Variants in INPP4A observed in about 807,000 individuals in gnomAD.
INPP4A encodes inositol polyphosphate-4-phosphatase type I A, also known as inositol polyphosphate-4-phosphatase, type I, 107kD.
A neutral mutation model predicts 119.8 loss-of-function variants in INPP4A; 33 were observed. The observed-to-expected ratio is 0.28, with a 90% confidence interval of 0.21 to 0.37. The LOEUF (loss-of-function observed/expected upper bound fraction) is 0.37. INPP4A is among the 10% of genes least tolerant of loss of function. The pLI, the probability that INPP4A is intolerant of heterozygous loss-of-function variation, is 1.00. For synonymous variants in INPP4A, 496 were observed against 500.7 expected, an observed-to-expected ratio of 0.99 and a Z score of 0.12; for missense variants, 956 against 1,289.9, an observed-to-expected ratio of 0.74 and a Z score of 3.97.
chr2:98,583,529 C>G lies in INPP4A; in HGVS notation c.2787-3947C>G, dbSNP rs188911808. Among the ~76,000 whole-genome samples, 1,240 of 152,272 alleles carry G rather than the reference C, an allele frequency of 8.1e-3. 58 individuals are homozygous for G. Among genetic ancestry groups the G allele is most frequent in the Admixed American group, 0.072 (1,101 of 15,298 alleles). ...TAACCAAATAGATCAGGAAAAACTCCCCACACCCTGTGCAGGACGGTCAGC... is the reference window on the plus strand; with the variant it reads ...TAACCAAATAGATCAGGAAAAACTCGCCACACCCTGTGCAGGACGGTCAGC... On this transcript the variant is annotated intron_variant, in intron 24 of 24. Transcript: ENST00000409851.
chr2:98,459,936 A>AG (rs150195086), intron 1 of INPP4A, among the ~76,000 whole-genome samples: 1 of 152,348 alleles, frequency 6.6e-6, no homozygotes, highest in African/African-American at 2.4e-5. Flanking sequence ...GTAAGTTCTC[A>AG]GGGAGAAACC....
chr2:98,512,516 C>G (rs972398124), intron 1 of INPP4A, among the ~76,000 whole-genome samples: 1 of 152,174 alleles, frequency 6.6e-6, no homozygotes, highest in Non-Finnish European at 1.5e-5. Flanking sequence ...GCATGGTGCC[C>G]GCATCTGGTG....
intron 1 of INPP4A, among the ~76,000 whole-genome samples, chr2:98,448,693 T>TTC (rs200014288): frequency 6.9e-4 from 102 of 147,172 alleles, no homozygotes; most frequent in African/African-American, 1.2e-3. Context: ...TAGTCTTCTT[T>TTC]TCTCTCTCTC....
intron 23 of INPP4A, among the ~76,000 whole-genome samples, chr2:98,576,028 C>T (rs1055778966): frequency 7.9e-5 from 12 of 152,252 alleles, no homozygotes; most frequent in Non-Finnish European, 1.0e-4. Context: ...TTAACATCCC[C>T]GGGGGAGCCT....
chr2:98,467,814 TTATC>T (rs1287804054), intron 1 of INPP4A, among the ~76,000 whole-genome samples: 1 of 152,154 alleles, frequency 6.6e-6, no homozygotes, highest in Non-Finnish European at 1.5e-5. Context: ...TTATAGATAA[TTATC>T]TATTATCTAA....
chr2:98,509,623 AGT>A (rs1684755102), intron 1 of INPP4A, among the ~76,000 whole-genome samples: 1 of 152,062 alleles, frequency 6.6e-6, no homozygotes, highest in African/African-American at 2.4e-5. Context: ...GAGTGGCTGA[AGT>A]GTGTGGTGTG....
At chr2:98,465,261 C>T (rs905999586) in intron 1 of INPP4A, among the ~76,000 whole-genome samples, 3 of 152,178 alleles carry the variant, frequency 2.0e-5, no homozygotes, top group Non-Finnish European at 4.4e-5. Context: ...TGCTGGCTTG[C>T]CTCGGCTGCC....
chr2:98,577,691 T>C (rs1162060777), intron 24 of INPP4A, among the ~76,000 whole-genome samples: 2 of 152,190 alleles, frequency 1.3e-5, no homozygotes, highest in African/African-American at 4.8e-5. Context: ...GTCAGTGTGC[T>C]CTGGCGACCT....
At chr2:98,514,912 C>T (rs1187924167) in intron 1 of INPP4A, among the ~76,000 whole-genome samples, 1 of 148,310 alleles carries the variant, frequency 6.7e-6, no homozygotes, top group Non-Finnish European at 1.5e-5. Flanking sequence ...AAGACCCTGT[C>T]TCTAAAAGCT....
At chr2:98,498,425 C>T (rs1254970455) in intron 1 of INPP4A, among the ~76,000 whole-genome samples, 1 of 152,002 alleles carries the variant, frequency 6.6e-6, no homozygotes, top group African/African-American at 2.4e-5. Context: ...GGAACTGAGT[C>T]CATTAAATCT....
At chr2:98,585,681 C>T (rs1205991234) in intron 24 of INPP4A, among the ~76,000 whole-genome samples, 2 of 152,154 alleles carry the variant, frequency 1.3e-5, no homozygotes, top group South Asian at 4.1e-4. Flanking sequence ...CCACATCAGC[C>T]GGATATTGCA....
At chr2:98,544,192 T>C (rs979383845) in intron 11 of INPP4A, among the ~76,000 whole-genome samples, 185 bp downstream of exon 11, 6 of 152,228 alleles carry the variant, frequency 3.9e-5, no homozygotes, top group African/African-American at 1.4e-4. Context: ...TAGGTGTGAA[T>C]TCTTTCAAAT....
chr2:98,496,959 A>C (rs1682109001), intron 1 of INPP4A, among the ~76,000 whole-genome samples: 1 of 152,184 alleles, frequency 6.6e-6, no homozygotes, highest in African/African-American at 2.4e-5. Context: ...GCACTCAGTG[A>C]AATTATCACT....
At chr2:98,466,195 G>A in intron 1 of INPP4A, among the ~76,000 whole-genome samples, 1 of 152,170 alleles carries the variant, frequency 6.6e-6, no homozygotes, top group Non-Finnish European at 1.5e-5. Context: ...ACAGGCGTAC[G>A]CCACCATGCA....
intron 24 of INPP4A, among the ~76,000 whole-genome samples, chr2:98,582,062 G>T (rs190131002): frequency 2.6e-5 from 4 of 152,250 alleles, no homozygotes; most frequent in Admixed American, 2.6e-4. Context: ...ACCTTCTGAT[G>T]TACAACTATT....
chr2:98,555,302 C>T (rs765281830), intron 15 of INPP4A, among the ~76,000 whole-genome samples: 2 of 152,232 alleles, frequency 1.3e-5, no homozygotes, highest in African/African-American at 2.4e-5. Context: ...GGCCACCTGG[C>T]CTCCAGAAGA....
Position 98,566,266 on chromosome 2 carries a change from A to T in INPP4A, c.2420+97A>T. The T allele has an allele frequency of 7.8e-7, 1 of 1,289,694 alleles. No individual in the cohort carries two copies. The highest frequency in any genetic ancestry group is 1.0e-6 in the Non-Finnish European group (1 of 967,346). 79.9% of individuals were successfully genotyped at this position (1,289,694 alleles called of 1,614,324 possible). On this transcript the variant is annotated intron_variant, in intron 21 of 24. Transcript: ENST00000409851. The surrounding 1 kb of genome is among the most constrained non-coding windows in gnomAD (Gnocchi z 4.2). Reference sequence around the variant, plus strand: ...TCTTCAGGCTCTAAGTGCTGGACAGACTTTGTCATCCTTCCTTCCTTTGGC... The same window carrying T: ...TCTTCAGGCTCTAAGTGCTGGACAGTCTTTGTCATCCTTCCTTCCTTTGGC...
intron 20 of INPP4A, 60 bp downstream of exon 20, chr2:98,565,826 AGG>A: frequency 6.3e-7 from 1 of 1,587,438 alleles, no homozygotes; most frequent in Non-Finnish European, 8.6e-7. Context: ...TGTTTATCTC[AGG>A]GAAGGTACTC....
chr2:98,577,216 C>G (rs1575165019), intron 24 of INPP4A, 73 bp downstream of exon 24: 1 of 1,458,148 alleles, frequency 6.9e-7, no homozygotes, highest in African/African-American at 1.4e-5. Flanking sequence ...TGGTACCCTG[C>G]TCCTGCCTGC....
Sources: gnomAD v4.1 joint callset for allele counts (sites outside exome capture counted in the v4.1 genomes callset) on GRCh38, gnomAD v4.1.1 for gene constraint, Gnocchi (gnomAD v3.1) non-coding constraint, MANE v1.5 for transcripts, NCBI Gene and HGNC (gene_info 2026-07-23, HGNC 2026-07-21) for gene names.